The following EGFLAM variants were observed in gnomAD, a reference collection of about 807,000 sequenced individuals.
The protein encoded by EGFLAM is pikachurin.
Under a neutral mutation model 113.1 loss-of-function variants are expected in EGFLAM, and 79 were observed. The observed-to-expected ratio is 0.70, with a 90% CI of 0.58 to 0.84. The LOEUF is 0.84. Among genes scored for constraint, EGFLAM ranks in the 40% least tolerant of loss-of-function variants. EGFLAM has a pLI of 0.00. For missense variants in EGFLAM, 1,265 were observed against 1,291.6 expected (o/e 0.98, Z 0.32); for synonymous variants, 504 against 487.6 (o/e 1.03, Z -0.44).
chr5:38,421,232 C>G (rs916500624), intron 12 of EGFLAM, among the ~76,000 whole-genome samples: 11 of 152,186 alleles, frequency 7.2e-5, no homozygotes, highest in Admixed American at 7.2e-4. Context: ...TCCTGTCTTT[C>G]GTTAGACTGT....
intron 15 of EGFLAM, among the ~76,000 whole-genome samples, chr5:38,431,631 T>A (rs751908531): frequency 1.3e-5 from 2 of 152,130 alleles, no homozygotes; most frequent in Admixed American, 1.3e-4. Flanking sequence ...GACTCTGGGG[T>A]AGGGCCTGTG....
intron 1 of EGFLAM, among the ~76,000 whole-genome samples, chr5:38,270,272 T>C (rs1757736273): frequency 6.6e-6 from 1 of 152,218 alleles, no homozygotes; most frequent in South Asian, 2.1e-4. Context: ...TGGAAAACCC[T>C]TTTGGGATCT....
chr5:38,297,644 C>T (rs761340142), intron 1 of EGFLAM, among the ~76,000 whole-genome samples: 1 of 152,164 alleles, frequency 6.6e-6, no homozygotes, highest in Non-Finnish European at 1.5e-5. Flanking sequence ...TTGCTTGACC[C>T]TGAGCCTGTC....
In EGFLAM at chr5:38,463,833, T is replaced by A; in HGVS notation, c.2877T>A (p.Gly959=). Residue 959 remains glycine (G), a splice_region_variant and synonymous_variant, in exon 22 of 22, where the codon GGT becomes GGA. Coordinates refer to ENST00000322350, the MANE Select transcript of EGFLAM (RefSeq NM_152403.4). Reference sequence around the variant, plus strand: ...CATCTCCCTCTTGCTTCCTGGCAGGTGGAATGAAGGAAATTGCTCTGCACA... The same window carrying A: ...CATCTCCCTCTTGCTTCCTGGCAGGAGGAATGAAGGAAATTGCTCTGCACA... ...QLNINGALYV[G]GMKEIALHTN... is the part of the protein sequence containing the mutation. 6.2e-7 allele frequency: 1 copy of A among 1,612,502 alleles called. No homozygotes were observed. Among genetic ancestry groups the A allele is most frequent in the Middle Eastern group, 1.8e-4 (1 of 5,506 alleles).
At chr5:38,309,230 C>T (rs1025257437) in intron 1 of EGFLAM, among the ~76,000 whole-genome samples, 2 of 152,198 alleles carry the variant, frequency 1.3e-5, no homozygotes, top group Non-Finnish European at 2.9e-5. Context: ...CACATCTCTT[C>T]CCAAAGTCAT....
At chr5:38,367,489 T>G (rs954539198) in intron 5 of EGFLAM, among the ~76,000 whole-genome samples, 2 of 151,790 alleles carry the variant, frequency 1.3e-5, no homozygotes, top group Admixed American at 1.3e-4. Flanking sequence ...GGGCTCAAGC[T>G]ATCCTCCCAC....
rs73075435 is a variant in EGFLAM, at chr5:38,376,392, A to G, written c.712+5930A>G. ...GTTATATAACTTCCCCTAGGAATAG[A>G]ACTTGGTCTTAACCACCAAAACCAC... is the stretch of plus-strand genomic sequence containing the variant. On this transcript the variant is annotated intron_variant, in intron 6 of 21. Coordinates refer to ENST00000322350, the MANE Select transcript of EGFLAM (RefSeq NM_152403.4). Among the ~76,000 whole-genome samples the G allele has an allele frequency of 9.0e-3, 1,369 of 152,352 alleles. 30 individuals carry two copies. Among genetic ancestry groups the G allele is most frequent in the African/African-American group, 0.032 (1,327 of 41,582 alleles).
intron 2 of EGFLAM, 99 bp downstream of exon 2, chr5:38,337,728 A>G: frequency 1.0e-6 from 1 of 963,584 alleles, no homozygotes; most frequent in Non-Finnish European, 1.6e-6. Context: ...TTCCATATCA[A>G]TAACTGCCCC....
chr5:38,381,212 C>T (rs1286868109), intron 6 of EGFLAM, among the ~76,000 whole-genome samples: 1 of 152,022 alleles, frequency 6.6e-6, no homozygotes, highest in South Asian at 2.1e-4. Flanking sequence ...CTGTTCTTTC[C>T]TTTGGAGCAT....
At chr5:38,439,401 A>AG (rs1191208930) in intron 17 of EGFLAM, among the ~76,000 whole-genome samples, 5 of 151,824 alleles carry the variant, frequency 3.3e-5, no homozygotes, top group Non-Finnish European at 5.9e-5. Context: ...AAAAAAAAAA[A>AG]CAAGCCTGGA....
chr5:38,305,864 A>G (rs541256091), intron 1 of EGFLAM, among the ~76,000 whole-genome samples: 1 of 152,346 alleles, frequency 6.6e-6, no homozygotes, highest in South Asian at 2.1e-4. Context: ...AGTAGGACAG[A>G]CATTCATTAG....
intron 1 of EGFLAM, among the ~76,000 whole-genome samples, chr5:38,302,709 CAAAA>C (rs56012054): frequency 7.8e-5 from 9 of 115,448 alleles, no homozygotes; most frequent in Non-Finnish European, 7.6e-5. Context: ...GTCTGAGAAT[CAAAA>C]AAAAAAAAAA....
At chr5:38,374,527 A>C (rs940710976) in intron 6 of EGFLAM, among the ~76,000 whole-genome samples, 1 of 152,104 alleles carries the variant, frequency 6.6e-6, no homozygotes, top group African/African-American at 2.4e-5. Context: ...GTGTCAGCCT[A>C]TCCATCCAGT....
chr5:38,385,718 A>G (rs1310312768), intron 6 of EGFLAM, among the ~76,000 whole-genome samples: 2 of 152,168 alleles, frequency 1.3e-5, no homozygotes, highest in Non-Finnish European at 2.9e-5. Context: ...TTCAGTTCCA[A>G]TTTTTAAAGT....
chr5:38,436,843 G>A (rs972008358), intron 16 of EGFLAM, among the ~76,000 whole-genome samples: 1 of 152,178 alleles, frequency 6.6e-6, no homozygotes, highest in African/African-American at 2.4e-5. Flanking sequence ...GAAGGATCCT[G>A]GCTACTTTCT....
At chr5:38,381,427 A>T (rs193173738) in intron 6 of EGFLAM, among the ~76,000 whole-genome samples, 1 of 152,334 alleles carries the variant, frequency 6.6e-6, no homozygotes, top group Admixed American at 6.5e-5. Context: ...AATGCAACCG[A>T]ATACGAAACA....
chr5:38,422,131 C>A (rs1330889040), intron 12 of EGFLAM, among the ~76,000 whole-genome samples: 1 of 152,078 alleles, frequency 6.6e-6, no homozygotes, highest in Admixed American at 6.5e-5. Flanking sequence ...CTTTAAGGAA[C>A]TCCACCCCAT....
At position 38,412,595 on chromosome 5, in the gene EGFLAM, C is replaced by G; in HGVS notation, c.1441C>G (p.Leu481Val). 1 of 1,614,136 alleles carries G rather than the reference C, an allele frequency of 6.2e-7. No individual in the cohort carries two copies. The highest frequency in any genetic ancestry group is 2.2e-5 in the East Asian group (1 of 44,870). The change falls in exon 11 of 22, where the codon CTG (leucine) becomes GTG (valine). Residue 481 changes from leucine to valine, a missense_variant. Leu to Val is a conservative substitution (Grantham distance 32). Coordinates refer to ENST00000322350, the MANE Select transcript of EGFLAM (RefSeq NM_152403.4). Reference protein sequence around the residue: ...WHTVMLYRDGLNGLLQLNNGT... With the variant: ...WHTVMLYRDGVNGLLQLNNGT... Reference sequence around the variant, plus strand: ...CACGGTTATGCTCTACAGAGATGGGCTGAACGGGCTGCTGCAGCTGAACAA... The same window carrying G: ...CACGGTTATGCTCTACAGAGATGGGGTGAACGGGCTGCTGCAGCTGAACAA...
At chr5:38,386,298 G>A (rs1332508018) in intron 6 of EGFLAM, among the ~76,000 whole-genome samples, 2 of 152,100 alleles carry the variant, frequency 1.3e-5, no homozygotes, top group Non-Finnish European at 1.5e-5. Context: ...CCGAGTTCAA[G>A]CAATGTCTCC....
Sources: gnomAD v4.1 joint callset for allele counts (sites outside exome capture counted in the v4.1 genomes callset) on GRCh38, gnomAD v4.1.1 for gene constraint, MANE v1.5 for transcripts, NCBI Gene and HGNC (gene_info 2026-07-23, HGNC 2026-07-21) for gene names.